The following SYNJ2 variants were observed in gnomAD, a reference collection of about 807,000 sequenced individuals.
SYNJ2 encodes polyphosphatidylinositol phosphatase SYNJ2.
In SYNJ2, 116 loss-of-function variants were observed where a neutral mutation model predicts 141.3. The ratio of observed to expected loss-of-function variants is 0.82; its 90% confidence interval spans 0.71 to 0.96. The LOEUF (loss-of-function observed/expected upper bound fraction) is 0.96. SYNJ2 is among the 40% of genes least tolerant of loss of function. The pLI, the probability that SYNJ2 is intolerant of heterozygous loss-of-function variation, is 0.00. For missense variants in SYNJ2, 1,873 were observed against 1,934.8 expected, an observed-to-expected ratio of 0.97 and a Z score of 0.60; for synonymous variants, 745 against 777.7, an observed-to-expected ratio of 0.96 and a Z score of 0.70.
intron 2 of SYNJ2, among the ~76,000 whole-genome samples, chr6:158,019,131 C>T (rs1229816855): frequency 6.6e-6 from 1 of 152,236 alleles, no homozygotes; most frequent in South Asian, 2.1e-4. Flanking sequence ...CCCAGGATGC[C>T]TCACAGTCTT....
intron 1 of SYNJ2, chr6:158,016,987 TC>T (rs751541504): frequency 3.8e-5 from 47 of 1,250,886 alleles, no homozygotes; most frequent in Non-Finnish European, 4.4e-5. Context: ...TGTCAGCACT[TC>T]CAGAGAGCAA....
chr6:158,086,271 G>T (rs1783029813), intron 22 of SYNJ2, among the ~76,000 whole-genome samples: 1 of 152,182 alleles, frequency 6.6e-6, no homozygotes, highest in Admixed American at 6.5e-5. Context: ...AAGGAAGCAG[G>T]AGCTGTGCCT....
At chr6:158,077,921 G>A (rs1273150755) in intron 17 of SYNJ2, 2 of 302,082 alleles carry the variant, frequency 6.6e-6, no homozygotes, top group African/African-American at 4.3e-5. Flanking sequence ...GCCTACAGTG[G>A]GCATGCTGGC....
At chr6:158,025,595 G>A (rs1378330070) in intron 2 of SYNJ2, among the ~76,000 whole-genome samples, 1 of 152,030 alleles carries the variant, frequency 6.6e-6, no homozygotes, top group Non-Finnish European at 1.5e-5. Context: ...AGGAGGCGGA[G>A]GTAGCAGTGA....
chr6:158,024,280 C>T (rs1778922649), intron 2 of SYNJ2, among the ~76,000 whole-genome samples: 1 of 152,110 alleles, frequency 6.6e-6, no homozygotes, highest in Admixed American at 6.6e-5. Context: ...CAAAAATTAG[C>T]TGGGCATGGG....
In SYNJ2 at chr6:158,095,890, AGCCCCC is replaced by A. The variant is rs752764226; in HGVS notation, c.4020_4025del (p.Pro1341_Ala1342del). 5.6e-6 allele frequency: 9 copies of A among 1,614,116 alleles called. No homozygotes were observed. In the South Asian group the frequency reaches 9.9e-5, roughly 18 times the overall value. On this transcript the variant is annotated inframe_deletion, in exon 27 of 27. Coordinates refer to ENST00000355585, the MANE Select transcript of SYNJ2 (RefSeq NM_003898.4). ...AGGTACCCCCGAGGAGGAAGAAGTCAGCCCCCGCAGCCTTCCACCTGCAGGTCCTGC... is the reference window on the plus strand; with the variant it reads ...AGGTACCCCCGAGGAGGAAGAAGTCAGCAGCCTTCCACCTGCAGGTCCTGC...
At chr6:158,064,347 T>TGGGGC (rs543099978) in intron 9 of SYNJ2, among the ~76,000 whole-genome samples, 144 of 20,982 alleles carry the variant, frequency 6.9e-3, no homozygotes, top group Non-Finnish European at 0.011. Context: ...TGGCATTGGG[T>TGGGGC]GGGGCGGGGC....
At chr6:158,052,942 G>T (rs1051686460) in intron 5 of SYNJ2, among the ~76,000 whole-genome samples, 2 of 152,106 alleles carry the variant, frequency 1.3e-5, no homozygotes, top group African/African-American at 4.8e-5. Flanking sequence ...ACCTTTTCCC[G>T]CCTTGAGTCC....
intron 2 of SYNJ2, chr6:158,026,829 A>C (rs1779073549): frequency 3.0e-6 from 3 of 985,400 alleles, no homozygotes; most frequent in South Asian, 9.4e-5. Context: ...CTGTGTCAGA[A>C]GAGGCAGGTG....
At chr6:157,990,132 C>T (rs987941581) in intron 1 of SYNJ2, among the ~76,000 whole-genome samples, 4 of 152,204 alleles carry the variant, frequency 2.6e-5, no homozygotes, top group Non-Finnish European at 5.9e-5. Context: ...CTCGGAGCAG[C>T]GGATTCACTG....
chr6:158,011,812 C>T (rs1778279819), intron 1 of SYNJ2, among the ~76,000 whole-genome samples: 1 of 152,154 alleles, frequency 6.6e-6, no homozygotes, highest in Admixed American at 6.5e-5. Context: ...GCACAAAGGC[C>T]TCCTTGTTTC....
intron 2 of SYNJ2, among the ~76,000 whole-genome samples, chr6:158,025,339 C>T (rs1778984598): frequency 6.6e-6 from 1 of 152,166 alleles, no homozygotes; most frequent in South Asian, 2.1e-4. Context: ...GGGGTGCACA[C>T]ATTCAGTCAA....
At chr6:158,022,485 G>GCCACCTCACTCTA (rs1778830923) in intron 2 of SYNJ2, among the ~76,000 whole-genome samples, 3 of 152,086 alleles carry the variant, frequency 2.0e-5, no homozygotes, top group South Asian at 4.1e-4. Flanking sequence ...ACCTCACTCT[G>GCCACCTCACTCTA]GCAGCTCCCT....
intron 26 of SYNJ2, among the ~76,000 whole-genome samples, chr6:158,093,649 G>C (rs528313703): frequency 1.3e-5 from 2 of 152,274 alleles, no homozygotes; most frequent in East Asian, 3.9e-4. Flanking sequence ...AGTGTGACAA[G>C]AACAGCTTGG....
At chr6:158,090,229 G>A (rs886509499) in intron 25 of SYNJ2, among the ~76,000 whole-genome samples, 6 of 152,226 alleles carry the variant, frequency 3.9e-5, no homozygotes, top group Non-Finnish European at 7.3e-5. Flanking sequence ...TTTAAAAAAG[G>A]TGAATGCTGC....
In SYNJ2 at chr6:158,050,676, C is replaced by T. The variant is rs1780520108; in HGVS notation, c.796-4291C>T. ...AGCTGATTCCAGGGCATGCCGTCTG[C>T]TTGCCACATTCCCTGAGTCCTCACT... On this transcript the variant is annotated intron_variant, in intron 5 of 26. Coordinates refer to ENST00000355585, the MANE Select transcript of SYNJ2 (RefSeq NM_003898.4). Among the ~76,000 whole-genome samples, 4 of 152,172 alleles carry T rather than the reference C, an allele frequency of 2.6e-5. No homozygotes were observed. In the South Asian group the frequency reaches 8.3e-4, roughly 31 times the overall value.
At chr6:157,993,035 G>T (rs1185129945) in intron 1 of SYNJ2, among the ~76,000 whole-genome samples, 1 of 152,136 alleles carries the variant, frequency 6.6e-6, no homozygotes, top group South Asian at 2.1e-4. Flanking sequence ...TCTCCATAGT[G>T]GTTGTACGCA....
At chr6:158,092,554 T>G (rs2477809) in intron 25 of SYNJ2, among the ~76,000 whole-genome samples, 80,244 of 151,980 alleles carry the variant, frequency 0.53, 21,419 homozygotes, top group African/African-American at 0.6. Flanking sequence ...GTAAGAAGAC[T>G]GCATGAGCCC....
At chr6:158,091,281 A>C (rs907066853) in intron 25 of SYNJ2, among the ~76,000 whole-genome samples, 3 of 152,058 alleles carry the variant, frequency 2.0e-5, no homozygotes, top group African/African-American at 4.8e-5. Context: ...GCACCACTGC[A>C]CTCCAGCCTG....
Sources: allele counts gnomAD v4.1 joint callset (sites outside exome capture counted in the v4.1 genomes callset), GRCh38; gene constraint gnomAD v4.1.1; transcripts MANE v1.5; gene names NCBI Gene and HGNC (gene_info 2026-07-23, HGNC 2026-07-21).